QRICH1: variants seen among roughly 807,000 people sequenced by gnomAD.
QRICH1 encodes glutamine rich 1.
Under a neutral mutation model 87.1 loss-of-function variants are expected in QRICH1, and 16 were observed. That is an observed-to-expected ratio of 0.18 (90% CI 0.12 to 0.28). QRICH1 has a LOEUF of 0.28. QRICH1 is among the 10% of genes least tolerant of loss of function. The pLI, the probability that QRICH1 is intolerant of heterozygous loss-of-function variation, is 1.00. For missense variants in QRICH1, 647 were observed against 951.7 expected (o/e 0.68, Z 4.21); for synonymous variants, 367 against 368.4 (o/e 1.00, Z 0.05).
At chr3:49,053,084 A>T (rs1359367511) in intron 3 of QRICH1, among the ~76,000 whole-genome samples, 1 of 152,166 alleles carries the variant, frequency 6.6e-6, no homozygotes, top group Non-Finnish European at 1.5e-5. Context: ...CAGGAACATC[A>T]ACATGTATGA....
chr3:49,088,450 C>T (rs1212371868), intron 1 of QRICH1, among the ~76,000 whole-genome samples: 1 of 151,746 alleles, frequency 6.6e-6, no homozygotes, highest in African/African-American at 2.4e-5. Context: ...CGCACGCCAC[C>T]CAGCCCAGCT....
chr3:49,035,361 C>T (rs1266596642), intron 6 of QRICH1, among the ~76,000 whole-genome samples: 1 of 152,148 alleles, frequency 6.6e-6, no homozygotes, highest in African/African-American at 2.4e-5. Context: ...CGGGAGCCAC[C>T]ATGCCTGGCC....
chr3:49,058,428 G>C (rs1304556703), intron 2 of QRICH1, among the ~76,000 whole-genome samples: 2 of 152,038 alleles, frequency 1.3e-5, no homozygotes, highest in Non-Finnish European at 2.9e-5. Flanking sequence ...TCAGGCTCAA[G>C]CAATTCTTGA....
At chr3:49,046,183 G>T (rs867645014) in intron 5 of QRICH1, among the ~76,000 whole-genome samples, 1 of 151,364 alleles carries the variant, frequency 6.6e-6, no homozygotes, top group East Asian at 1.9e-4. Flanking sequence ...CTCCCAAAGC[G>T]CTGGGATTAC....
chr3:49,046,285 ATGTGT>A, intron 5 of QRICH1, 135 bp downstream of exon 5: 1 of 901,938 alleles, frequency 1.1e-6, no homozygotes, highest in Non-Finnish European at 1.6e-6. Context: ...AAAACAACAA[ATGTGT>A]ATTTTAAAAC....
At chr3:49,090,109 T>C (rs1265760878) in intron 1 of QRICH1, among the ~76,000 whole-genome samples, 1 of 152,118 alleles carries the variant, frequency 6.6e-6, no homozygotes, top group African/African-American at 2.4e-5. Context: ...GGTCAGGAGT[T>C]CAAGACCAGC....
intron 1 of QRICH1, among the ~76,000 whole-genome samples, chr3:49,079,678 T>C (rs1281722602): frequency 1.3e-5 from 2 of 152,118 alleles, no homozygotes; most frequent in Non-Finnish European, 2.9e-5. Context: ...TTGCCACACT[T>C]GCACAGAATG....
chr3:49,032,627 T>G lies in QRICH1; in HGVS notation c.2042A>C (p.Gln681Pro). The change falls in exon 8 of 10, where the codon CAG becomes CCG. Residue 681 changes from glutamine (Q) to proline (P), a missense_variant. By Grantham distance (76) the Gln-to-Pro change is moderately conservative. Transcript: ENST00000395443. Reference sequence around the variant, plus strand: ...TCCCTGCCTCCTTTCCCTACCTTTCTGGCCAGTCTGGTGTATTCCAAGGGC... The same window carrying G: ...TCCCTGCCTCCTTTCCCTACCTTTCGGGCCAGTCTGGTGTATTCCAAGGGC... Reference protein sequence around the residue: ...LKALGIHQTGQKVTDDMYAEQ... With the variant: ...LKALGIHQTGPKVTDDMYAEQ... 1.3e-6 allele frequency: 2 copies of G among 1,579,124 alleles called. No individual in the cohort carries two copies. The highest frequency in any genetic ancestry group is 1.7e-6 in the Non-Finnish European group (2 of 1,162,562).
At chr3:49,048,058 T>C (rs2093348758) in intron 3 of QRICH1, among the ~76,000 whole-genome samples, 1 of 152,086 alleles carries the variant, frequency 6.6e-6, no homozygotes, top group Admixed American at 6.5e-5. Flanking sequence ...TGCAAACAAA[T>C]CACTTGGGGA....
At chr3:49,050,306 C>T (rs1162317556) in intron 3 of QRICH1, among the ~76,000 whole-genome samples, 10 of 146,552 alleles carry the variant, frequency 6.8e-5, no homozygotes, top group African/African-American at 2.3e-4. Flanking sequence ...GCCTGTAATC[C>T]CAGCTACTTG....
At chr3:49,064,821 C>T (rs1424386167) in intron 2 of QRICH1, among the ~76,000 whole-genome samples, 1 of 151,978 alleles carries the variant, frequency 6.6e-6, no homozygotes, top group African/African-American at 2.4e-5. Context: ...GTTCGAGACC[C>T]GCCTGGACAA....
intron 2 of QRICH1, among the ~76,000 whole-genome samples, chr3:49,066,327 A>G (rs2093468209): frequency 6.6e-6 from 1 of 152,074 alleles, no homozygotes; most frequent in South Asian, 2.1e-4. Context: ...AACCACTACT[A>G]TTGGGTTAAA....
At chr3:49,043,304 T>C (rs1322634330) in intron 6 of QRICH1, among the ~76,000 whole-genome samples, 6 of 146,464 alleles carry the variant, frequency 4.1e-5, no homozygotes, top group Non-Finnish European at 7.5e-5. Context: ...GAGACCACCA[T>C]GACCAATATG....
At chr3:49,074,966 G>A (rs538847420) in intron 2 of QRICH1, among the ~76,000 whole-genome samples, 8 of 152,120 alleles carry the variant, frequency 5.3e-5, no homozygotes, top group East Asian at 1.9e-4. Flanking sequence ...GCAACAGAGC[G>A]AGACTCCATC....
At chr3:49,032,944 G>A in intron 7 of QRICH1, 171 bp from the exon 8 acceptor site, 1 of 950,300 alleles carries the variant, frequency 1.1e-6, no homozygotes, top group Non-Finnish European at 1.5e-6. Flanking sequence ...GGATGGTAGG[G>A]GTCTGGCAAG....
At chr3:49,047,031 A>AT in intron 4 of QRICH1, 38 bp downstream of exon 4, 2 of 1,589,218 alleles carry the variant, frequency 1.3e-6, no homozygotes. Context: ...GTACCATTGC[A>AT]TTTTAGACAC....
chr3:49,049,583 C>G (rs950711091), intron 3 of QRICH1, among the ~76,000 whole-genome samples: 1 of 152,042 alleles, frequency 6.6e-6, no homozygotes, highest in Non-Finnish European at 1.5e-5. Context: ...CCACAACCTC[C>G]GCCTCCCAGG....
At chr3:49,058,776 G>A in intron 2 of QRICH1, among the ~76,000 whole-genome samples, 1 of 151,662 alleles carries the variant, frequency 6.6e-6, no homozygotes, top group Non-Finnish European at 1.5e-5. Flanking sequence ...TTACAGGAAT[G>A]CATCACCATG....
intron 1 of QRICH1, among the ~76,000 whole-genome samples, chr3:49,081,895 T>G (rs1407309129): frequency 2.6e-5 from 4 of 151,856 alleles, no homozygotes; most frequent in Non-Finnish European, 5.9e-5. Flanking sequence ...GCAACCTCTG[T>G]CTCCCGGGTC....
Sources: gnomAD v4.1 joint callset for allele counts (sites outside exome capture counted in the v4.1 genomes callset) on GRCh38, gnomAD v4.1.1 for gene constraint, MANE v1.5 for transcripts, NCBI Gene and HGNC (gene_info 2026-07-23, HGNC 2026-07-21) for gene names.